Variants in TMEM135 observed in about 807,000 individuals in gnomAD.
The protein encoded by TMEM135 is transmembrane protein 135.
Under a neutral mutation model 60.3 loss-of-function variants are expected in TMEM135, and 30 were observed. That is an observed-to-expected ratio of 0.50 (90% CI 0.37 to 0.68). TMEM135 has a LOEUF of 0.68. Ranked by LOEUF, TMEM135 falls within the 30% of genes least tolerant of loss-of-function variation. The probability of loss-of-function intolerance (pLI) is 0.00; values close to 1 mark genes in which losing one functional copy is unlikely to be tolerated. For missense variants in TMEM135, 468 were observed against 548.8 expected (o/e 0.85, Z 1.47); for synonymous variants, 190 against 186.7 (o/e 1.02, Z -0.14).
intron 5 of TMEM135, among the ~76,000 whole-genome samples, chr11:87,180,853 C>T (rs76973696): frequency 0.021 from 3,249 of 152,230 alleles, 56 homozygotes; most frequent in Non-Finnish European, 0.034. Context: ...TTTAGCATGA[C>T]CAAGAGTGTC....
chr11:87,177,587 G>A (rs369621729), intron 5 of TMEM135, among the ~76,000 whole-genome samples: 70 of 152,128 alleles, frequency 4.6e-4, no homozygotes, highest in African/African-American at 1.7e-3. Context: ...TCTAGTTTTT[G>A]AATATTTCTA....
chr11:87,135,331 A>G (rs516120), intron 4 of TMEM135, among the ~76,000 whole-genome samples: 49,650 of 151,840 alleles, frequency 0.33, 8,552 homozygotes, highest in East Asian at 0.55. Flanking sequence ...AGTTTCTGCT[A>G]TATTTTCTTA....
chr11:87,281,654 G>T (rs1243182822), intron 6 of TMEM135, among the ~76,000 whole-genome samples: 3 of 152,170 alleles, frequency 2.0e-5, no homozygotes, highest in African/African-American at 7.2e-5. Flanking sequence ...AACCTTTGCT[G>T]CCCCTCCCTG....
intron 5 of TMEM135, among the ~76,000 whole-genome samples, chr11:87,183,973 A>G (rs1242323047): frequency 6.6e-6 from 1 of 151,766 alleles, no homozygotes; most frequent in African/African-American, 2.4e-5. Context: ...AAAAAAAAAA[A>G]AAAAAATCCG....
At chr11:87,225,255 C>T (rs978750750) in intron 5 of TMEM135, among the ~76,000 whole-genome samples, 2 of 152,066 alleles carry the variant, frequency 1.3e-5, no homozygotes, top group Admixed American at 6.5e-5. Context: ...CTGGCTCAAT[C>T]GCCTAACTAT....
intron 4 of TMEM135, among the ~76,000 whole-genome samples, chr11:87,098,635 CAATT>C (rs1439884892): frequency 1.3e-5 from 2 of 151,882 alleles, no homozygotes; most frequent in East Asian, 1.9e-4. Context: ...GAATCTAAAA[CAATT>C]GATTAATCTT....
At chr11:87,069,831 G>A (rs754835619) in intron 2 of TMEM135, among the ~76,000 whole-genome samples, 9 of 152,106 alleles carry the variant, frequency 5.9e-5, no homozygotes, top group Non-Finnish European at 8.8e-5. Context: ...CAAGTTACAT[G>A]TCCTCAATAG....
chr11:87,201,747 T>C (rs543409608), intron 5 of TMEM135, among the ~76,000 whole-genome samples: 3 of 152,260 alleles, frequency 2.0e-5, no homozygotes, highest in Non-Finnish European at 2.9e-5. Context: ...AAAAATTACA[T>C]CTATAATAAG....
At chr11:87,089,185 T>A (rs1054954220) in intron 3 of TMEM135, among the ~76,000 whole-genome samples, 3 of 152,204 alleles carry the variant, frequency 2.0e-5, no homozygotes, top group Non-Finnish European at 4.4e-5. Flanking sequence ...TGGAAACACT[T>A]CTAGTCTCAG....
intron 10 of TMEM135, among the ~76,000 whole-genome samples, chr11:87,312,728 CTG>C (rs1316585446): frequency 3.3e-5 from 5 of 151,810 alleles, no homozygotes; most frequent in African/African-American, 1.2e-4. Flanking sequence ...TTTTTTAAGA[CTG>C]TAAAAATGAT....
At chr11:87,205,149 A>C (rs1431268556) in intron 5 of TMEM135, among the ~76,000 whole-genome samples, 1 of 152,220 alleles carries the variant, frequency 6.6e-6, no homozygotes, top group Non-Finnish European at 1.5e-5. Flanking sequence ...AGAAGTGTTT[A>C]GCTTCAGAAG....
intron 3 of TMEM135, among the ~76,000 whole-genome samples, chr11:87,077,109 G>A (rs1037686054): frequency 1.6e-4 from 24 of 152,172 alleles, no homozygotes; most frequent in Admixed American, 1.4e-3. Flanking sequence ...ACCAAGGATT[G>A]CCCTTGAACT....
At chr11:87,159,617 A>ACACACACACACACACCCCCCCC (rs140303858) in intron 5 of TMEM135, among the ~76,000 whole-genome samples, 23 of 149,458 alleles carry the variant, frequency 1.5e-4, no homozygotes, top group Admixed American at 6.7e-4. Flanking sequence ...ACACACACAC[A>ACACACACACACACACCCCCCCC]CCATAGATTT....
intron 2 of TMEM135, among the ~76,000 whole-genome samples, chr11:87,068,839 A>G (rs1210338587): frequency 6.6e-6 from 1 of 151,814 alleles, no homozygotes; most frequent in Non-Finnish European, 1.5e-5. Flanking sequence ...TAATTTCCAA[A>G]TGTCTTTCAC....
intron 6 of TMEM135, among the ~76,000 whole-genome samples, chr11:87,242,464 A>T (rs1941160891): frequency 1.0e-5 from 1 of 99,298 alleles, no homozygotes; most frequent in East Asian, 2.2e-4. Context: ...TTACAGTCCC[A>T]CCAACAGTGT....
intron 4 of TMEM135, chr11:87,096,234 G>C: frequency 3.5e-6 from 1 of 286,948 alleles, no homozygotes; most frequent in East Asian, 9.6e-5. Context: ...GATGTCTGCA[G>C]ATACACAGCT....
intron 5 of TMEM135, among the ~76,000 whole-genome samples, chr11:87,205,758 A>G (rs1398539672): frequency 6.6e-6 from 1 of 152,190 alleles, no homozygotes; most frequent in Non-Finnish European, 1.5e-5. Context: ...GCTGAATATA[A>G]TATTTTAAGT....
At chr11:87,109,323 T>C (rs1857682548) in intron 4 of TMEM135, among the ~76,000 whole-genome samples, 1 of 152,294 alleles carries the variant, frequency 6.6e-6, no homozygotes, top group East Asian at 1.9e-4. Flanking sequence ...TATATGCATA[T>C]CCTAATGAAG....
intron 5 of TMEM135, among the ~76,000 whole-genome samples, chr11:87,176,947 G>A (rs1939386684): frequency 6.6e-6 from 1 of 152,178 alleles, no homozygotes; most frequent in Non-Finnish European, 1.5e-5. Context: ...ATTGTTTAAA[G>A]TGTCCCATTA....
Sources: gnomAD v4.1 joint callset for allele counts (sites outside exome capture counted in the v4.1 genomes callset) on GRCh38, gnomAD v4.1.1 for gene constraint, MANE v1.5 for transcripts, NCBI Gene and HGNC (gene_info 2026-07-23, HGNC 2026-07-21) for gene names.